SH3BP4: variants seen among roughly 807,000 people sequenced by gnomAD.
SH3BP4 encodes SH3 domain binding protein 4.
Under a neutral mutation model 65.5 loss-of-function variants are expected in SH3BP4, and 33 were observed. That is an observed-to-expected ratio of 0.50 (90% CI 0.38 to 0.67). The LOEUF (loss-of-function observed/expected upper bound fraction) is 0.67. SH3BP4 is among the 30% of genes least tolerant of loss of function. The pLI, the probability that SH3BP4 is intolerant of heterozygous loss-of-function variation, is 0.00. For missense variants in SH3BP4, 1,134 were observed against 1,261.4 expected (o/e 0.90, Z 1.53); for synonymous variants, 552 against 545.5 (o/e 1.01, Z -0.17).
chr2:235,034,803 C>T lies in SH3BP4; in HGVS notation c.-132-68C>T, dbSNP rs1695319953. On this transcript the variant is annotated intron_variant, in intron 2 of 5. Transcript: ENST00000392011. The surrounding 1 kb of genome is among the most constrained non-coding windows in gnomAD (Gnocchi z 6.2). ...TGGAAGAAAGAGGATTCCCACTTCCCATAAAATTACCATTGAACCCATGTT... is the reference window on the plus strand; with the variant it reads ...TGGAAGAAAGAGGATTCCCACTTCCTATAAAATTACCATTGAACCCATGTT... 2 of 571,146 alleles carry T rather than the reference C, an allele frequency of 3.5e-6. No homozygotes were observed. The highest frequency in any genetic ancestry group is 3.8e-5 in the African/African-American group (2 of 53,164). The allele number at this position is 571,146 out of a possible 1,614,324, so 35.4% of individuals were successfully genotyped here.
intron 1 of SH3BP4, among the ~76,000 whole-genome samples, chr2:234,972,458 T>A (rs1693029851): frequency 6.6e-6 from 1 of 152,004 alleles, no homozygotes; most frequent in South Asian, 2.1e-4. Flanking sequence ...TTTTTCTTTT[T>A]TTGGTAGAGA....
intron 1 of SH3BP4, among the ~76,000 whole-genome samples, chr2:234,989,800 G>T (rs1693693766): frequency 6.6e-6 from 1 of 152,054 alleles, no homozygotes; most frequent in African/African-American, 2.4e-5. Context: ...TTTGTTCATG[G>T]GCCATACAAA....
chr2:234,979,458 G>T (rs1294550882), intron 1 of SH3BP4: 4 of 152,196 alleles, frequency 2.6e-5, no homozygotes, highest in Admixed American at 2.6e-4. Flanking sequence ...ATGGAATCAT[G>T]CAGTATCTTT....
At chr2:235,007,620 A>G (rs1249319162) in intron 2 of SH3BP4, among the ~76,000 whole-genome samples, 1 of 152,124 alleles carries the variant, frequency 6.6e-6, no homozygotes, top group Admixed American at 6.5e-5. Context: ...TAGAGAATTG[A>G]TTGACTGGTT....
intron 1 of SH3BP4, among the ~76,000 whole-genome samples, chr2:234,993,267 C>T (rs985681198): frequency 6.6e-6 from 1 of 152,210 alleles, no homozygotes; most frequent in South Asian, 2.1e-4. Flanking sequence ...TGGACTCGCC[C>T]CCCGCCTCAT....
chr2:235,020,817 G>A (rs924367099), intron 2 of SH3BP4, among the ~76,000 whole-genome samples: 7 of 152,080 alleles, frequency 4.6e-5, no homozygotes, highest in African/African-American at 1.7e-4. Flanking sequence ...CAGCTAAGGA[G>A]TCCTTTCAAG....
At chr2:235,015,933 G>T (rs1293940913) in intron 2 of SH3BP4, among the ~76,000 whole-genome samples, 1 of 152,092 alleles carries the variant, frequency 6.6e-6, no homozygotes, top group Admixed American at 6.5e-5. Flanking sequence ...GTATGAGAAA[G>T]GTGCAAACGA....
At position 234,997,013 on chromosome 2, in the gene SH3BP4, G is replaced by A. The variant is rs950571309; in HGVS notation, c.-133+1637G>A. The stretch of plus-strand genomic sequence containing the variant: ...GGAACGGGAGGGTGGGACGGGTGCC[G>A]CCATCCCACAGCGGTGCCCGCTTGT... On this transcript the variant is annotated intron_variant, in intron 2 of 5. Coordinates refer to ENST00000392011, the MANE Select transcript of SH3BP4 (RefSeq NM_014521.3). The surrounding 1 kb of genome is among the most constrained non-coding windows in gnomAD (Gnocchi z 4.2). Among the ~76,000 whole-genome samples, 7 of 152,206 alleles carry A rather than the reference G, an allele frequency of 4.6e-5. No individual in the cohort carries two copies. The highest frequency in any genetic ancestry group is 3.9e-4 in the East Asian group (2 of 5,194).
At chr2:235,013,918 A>G (rs1299399198) in intron 2 of SH3BP4, among the ~76,000 whole-genome samples, 1 of 152,186 alleles carries the variant, frequency 6.6e-6, no homozygotes, top group African/African-American at 2.4e-5. Flanking sequence ...GAATGATAAT[A>G]TTAACCCCCT....
At chr2:234,987,530 C>A (rs1247852537) in intron 1 of SH3BP4, among the ~76,000 whole-genome samples, 2 of 152,140 alleles carry the variant, frequency 1.3e-5, no homozygotes, top group Non-Finnish European at 2.9e-5. Context: ...TGACTTATGA[C>A]AATCTCCAGA....
chr2:234,994,885 C>T (rs1693863723), intron 1 of SH3BP4: 1 of 152,306 alleles, frequency 6.6e-6, no homozygotes, highest in Non-Finnish European at 1.5e-5. Flanking sequence ...GATGCAGCCT[C>T]CATGCAGCCT....
At chr2:235,047,392 C>G (rs911212429) in intron 4 of SH3BP4, among the ~76,000 whole-genome samples, 11 of 152,218 alleles carry the variant, frequency 7.2e-5, no homozygotes, top group African/African-American at 2.4e-4. Flanking sequence ...GAAACCCTCG[C>G]TGTGCATCCT....
At chr2:234,966,583 A>C (rs1206049376) in intron 1 of SH3BP4, among the ~76,000 whole-genome samples, 1 of 152,234 alleles carries the variant, frequency 6.6e-6, no homozygotes. Context: ...AATACCACGC[A>C]GTAAATCTTG....
chr2:235,039,514 C>T (rs1455619847), intron 3 of SH3BP4, among the ~76,000 whole-genome samples: 3 of 150,390 alleles, frequency 2.0e-5, no homozygotes, highest in East Asian at 1.9e-4. Context: ...AAGAAAGAAA[C>T]GTTTCCTTTC....
intron 1 of SH3BP4, among the ~76,000 whole-genome samples, chr2:234,980,169 C>T (rs545149464): frequency 5.3e-5 from 8 of 152,182 alleles, no homozygotes; most frequent in Non-Finnish European, 7.3e-5. Flanking sequence ...AGTAGTCCCC[C>T]CCTTATCTGC....
chr2:235,046,364 T>C lies in SH3BP4; in HGVS notation c.2478+3117T>C, dbSNP rs1695859348. 6.6e-6 allele frequency among the ~76,000 whole-genome samples: 1 copy of C among 152,076 alleles called. No homozygotes were observed. Among genetic ancestry groups the C allele is most frequent in the Non-Finnish European group, 1.5e-5 (1 of 68,012 alleles). On this transcript the variant is annotated intron_variant, in intron 4 of 5. Transcript: ENST00000392011. This position sits in a 1 kb window ranked among gnomAD's most constrained non-coding sequence, Gnocchi z 4.2. ...CAGGAGAATCGCTTGAGCCCGGGAA[T>C]TCAAGACCAGCCTGAGCAACATAGT...
At position 235,041,316 on chromosome 2, in the gene SH3BP4, G is replaced by A. The variant is rs759476176; in HGVS notation, c.547G>A (p.Glu183Lys). 1.2e-6 allele frequency: 2 copies of A among 1,614,220 alleles called. No homozygotes were observed. Among genetic ancestry groups the A allele is most frequent in the South Asian group, 1.1e-5 (1 of 91,086 alleles). Residue 183 changes from glutamate to lysine, a missense_variant, in exon 4 of 6, where the codon GAG (glutamate) becomes AAG (lysine). Glu to Lys is a moderately conservative substitution (Grantham distance 56). Coordinates refer to ENST00000392011, the MANE Select transcript of SH3BP4 (RefSeq NM_014521.3). The surrounding 1 kb of genome is among the most constrained non-coding windows in gnomAD (Gnocchi z 6.0). ...GNVPVMPSLD[E>K]LNPKSTVDLL... ...CGTGCCCGTCATGCCCAGCCTGGAT[G>A]AGCTGAATCCCAAAAGTACTGTGGA... is the stretch of plus-strand genomic sequence containing the variant.
At position 235,041,366 on chromosome 2, in the gene SH3BP4, A is replaced by G. The variant is rs779048252; in HGVS notation, c.597A>G (p.Thr199=). 3.1e-6 allele frequency: 5 copies of G among 1,614,194 alleles called. No individual in the cohort carries two copies. The highest frequency in any genetic ancestry group is 4.2e-6 in the Non-Finnish European group (5 of 1,180,036). ...TVDLLLFDAG[T]SSFTESSSAT... ...ATTTGCTCCTTTTTGACGCAGGTAC[A>G]TCCTCCTTCACCGAATCCAGCTCAG... Residue 199 remains threonine (T), a synonymous_variant, in exon 4 of 6, where the codon ACA becomes ACG. Coordinates refer to ENST00000392011, the MANE Select transcript of SH3BP4 (RefSeq NM_014521.3). This position sits in a 1 kb window ranked among gnomAD's most constrained non-coding sequence, Gnocchi z 6.0.
At chr2:235,013,923 C>A (rs1050672859) in intron 2 of SH3BP4, among the ~76,000 whole-genome samples, 1 of 152,086 alleles carries the variant, frequency 6.6e-6, no homozygotes, top group African/African-American at 2.4e-5. Context: ...ATAATATTAA[C>A]CCCCTCCTAG....
Sources: allele counts gnomAD v4.1 joint callset (sites outside exome capture counted in the v4.1 genomes callset), GRCh38; gene constraint gnomAD v4.1.1; non-coding constraint Gnocchi (gnomAD v3.1); transcripts MANE v1.5; gene names NCBI Gene and HGNC (gene_info 2026-07-23, HGNC 2026-07-21).